FHIP1A: variants seen among roughly 807,000 people sequenced by gnomAD.
FHIP1A encodes the protein FHF complex subunit HOOK-interacting protein 1A.
FHIP1A carries 61 observed loss-of-function variants against 88.6 expected under a neutral mutation model. That is an observed-to-expected ratio of 0.69 (90% CI 0.56 to 0.85). The LOEUF is 0.85. Among genes scored for constraint, FHIP1A ranks in the 40% least tolerant of loss-of-function variants. The probability of loss-of-function intolerance (pLI) is 0.00; values close to 1 mark genes in which losing one functional copy is unlikely to be tolerated. For synonymous variants in FHIP1A, 478 were observed against 496.0 expected (o/e 0.96, Z 0.48); for missense variants, 1,154 against 1,273.5 (o/e 0.91, Z 1.43).
At chr4:151,451,038 A>G (rs985199598) in intron 1 of FHIP1A, among the ~76,000 whole-genome samples, 1 of 152,108 alleles carries the variant, frequency 6.6e-6, no homozygotes, top group African/African-American at 2.4e-5. Context: ...TAGGCCTCCC[A>G]GAGTGTTGGG....
At position 151,667,193 on chromosome 4, in the gene FHIP1A, G is replaced by C. The variant is rs1737696746; in HGVS notation, c.*4439G>C. The C allele has an allele frequency of 6.6e-6, 1 of 152,228 alleles. No individual in the cohort carries two copies. The highest frequency in any genetic ancestry group is 2.4e-5 in the African/African-American group (1 of 41,468). The allele number at this position is 152,228 out of a possible 1,614,324, so 9.4% of individuals were successfully genotyped here. On this transcript the variant is annotated 3_prime_UTR_variant, in exon 14 of 14. Coordinates refer to ENST00000435205, the MANE Select transcript of FHIP1A (RefSeq NM_001109977.3). ...TTCCTGGAAACAGCAGTCTCTTGTAGCTGATGCCACATCAGCTTTAAGTCA... is the reference window on the plus strand; with the variant it reads ...TTCCTGGAAACAGCAGTCTCTTGTACCTGATGCCACATCAGCTTTAAGTCA...
intron 1 of FHIP1A, 146 bp downstream of exon 1, chr4:151,409,611 GGGCTGGGGGCC>G (rs1418462234): frequency 6.5e-6 from 1 of 153,146 alleles, no homozygotes; most frequent in African/African-American, 2.4e-5. Context: ...AGCAGGCATT[GGGCTGGGGGCC>G]GGCTGGGGAT....
intron 7 of FHIP1A, among the ~76,000 whole-genome samples, chr4:151,612,582 T>C (rs188521350): frequency 1.3e-5 from 2 of 152,320 alleles, no homozygotes; most frequent in Admixed American, 6.5e-5. Flanking sequence ...AGGTTTCACC[T>C]TGTTGACCAG....
chr4:151,635,437 A>C (rs1411349388), intron 8 of FHIP1A, among the ~76,000 whole-genome samples: 1 of 151,958 alleles, frequency 6.6e-6, no homozygotes, highest in Non-Finnish European at 1.5e-5. Context: ...TGTTCATTGC[A>C]GCATCATTCA....
chr4:151,588,367 C>T (rs1179110798), intron 6 of FHIP1A, among the ~76,000 whole-genome samples: 1 of 152,032 alleles, frequency 6.6e-6, no homozygotes, highest in Non-Finnish European at 1.5e-5. Flanking sequence ...GAAATGTTTT[C>T]TGCTAGCAAA....
intron 2 of FHIP1A, among the ~76,000 whole-genome samples, chr4:151,458,963 G>C (rs1411747860): frequency 6.6e-6 from 1 of 152,010 alleles, no homozygotes; most frequent in African/African-American, 2.4e-5. Flanking sequence ...CAAAATATTT[G>C]CTGTTAACAT....
intron 1 of FHIP1A, among the ~76,000 whole-genome samples, chr4:151,453,875 C>A (rs1042462548): frequency 6.6e-6 from 1 of 151,766 alleles, no homozygotes; most frequent in African/African-American, 2.4e-5. Context: ...ATCTCAAAAA[C>A]AAAAACAAAA....
intron 3 of FHIP1A, among the ~76,000 whole-genome samples, chr4:151,523,708 C>G (rs1169601663): frequency 6.6e-6 from 1 of 152,152 alleles, no homozygotes; most frequent in African/African-American, 2.4e-5. Context: ...TAGCCCTATC[C>G]TTAGCCTTAT....
chr4:151,601,619 G>A (rs916836212), intron 7 of FHIP1A, among the ~76,000 whole-genome samples: 1 of 149,458 alleles, frequency 6.7e-6, no homozygotes, highest in African/African-American at 2.5e-5. Context: ...ATAAATGAAG[G>A]AATATCTGAA....
chr4:151,595,153 G>A (rs1012012036), intron 7 of FHIP1A, among the ~76,000 whole-genome samples: 1 of 152,138 alleles, frequency 6.6e-6, no homozygotes, highest in Non-Finnish European at 1.5e-5. Flanking sequence ...ACCTTTTCCT[G>A]TGGGCATTTA....
chr4:151,558,625 T>C (rs1733050689), intron 3 of FHIP1A, among the ~76,000 whole-genome samples: 1 of 152,164 alleles, frequency 6.6e-6, no homozygotes. Flanking sequence ...GTAAGCTGAG[T>C]GCAGGAAGCT....
chr4:151,576,551 A>G (rs932459647), intron 4 of FHIP1A, among the ~76,000 whole-genome samples: 8 of 152,130 alleles, frequency 5.3e-5, no homozygotes, highest in African/African-American at 1.9e-4. Flanking sequence ...TGATCCTCCT[A>G]CCTTGGCCTC....
intron 1 of FHIP1A, among the ~76,000 whole-genome samples, chr4:151,452,972 A>ACACACG (rs1728844961): frequency 6.6e-6 from 1 of 151,286 alleles, no homozygotes; most frequent in Non-Finnish European, 1.5e-5. Context: ...ACACACACAC[A>ACACACG]CACAAACATA....
intron 7 of FHIP1A, among the ~76,000 whole-genome samples, chr4:151,594,731 G>A (rs961344637): frequency 6.6e-6 from 1 of 151,892 alleles, no homozygotes; most frequent in Non-Finnish European, 1.5e-5. Context: ...CTGCCACCAC[G>A]CCTGGCTAAT....
intron 3 of FHIP1A, among the ~76,000 whole-genome samples, chr4:151,540,632 G>T (rs1355277587): frequency 2.0e-5 from 3 of 152,098 alleles, no homozygotes; most frequent in Non-Finnish European, 4.4e-5. Flanking sequence ...CCTTACTTCA[G>T]ACATGAACTG....
intron 1 of FHIP1A, among the ~76,000 whole-genome samples, chr4:151,411,970 T>C (rs976400187): frequency 1.3e-5 from 2 of 152,178 alleles, no homozygotes; most frequent in Admixed American, 6.5e-5. Flanking sequence ...ATAACAGAAG[T>C]GAACAGTTCT....
intron 7 of FHIP1A, among the ~76,000 whole-genome samples, chr4:151,600,149 T>G (rs188022856): frequency 7.8e-4 from 119 of 152,344 alleles, no homozygotes; most frequent in African/African-American, 2.8e-3. Flanking sequence ...TTATCCTCAC[T>G]CAGGGATCCA....
chr4:151,641,117 C>G (rs1442267093), intron 9 of FHIP1A, among the ~76,000 whole-genome samples: 1 of 151,908 alleles, frequency 6.6e-6, no homozygotes, highest in Non-Finnish European at 1.5e-5. Flanking sequence ...CCTAGACTCT[C>G]TGGGCCCATG....
chr4:151,581,668 A>T (rs886381487), intron 5 of FHIP1A, among the ~76,000 whole-genome samples: 1 of 152,190 alleles, frequency 6.6e-6, no homozygotes. Flanking sequence ...CCAGTTTTCT[A>T]TAATTACATC....
Sources: allele counts gnomAD v4.1 joint callset (sites outside exome capture counted in the v4.1 genomes callset), GRCh38; gene constraint gnomAD v4.1.1; transcripts MANE v1.5; gene names NCBI Gene and HGNC (gene_info 2026-07-23, HGNC 2026-07-21).